The following ITGA9 variants were observed in gnomAD, a reference collection of about 807,000 sequenced individuals.
ITGA9 encodes integrin alpha-9.
A neutral mutation model predicts 127.8 loss-of-function variants in ITGA9; 56 were observed. The ratio of observed to expected loss-of-function variants is 0.44; its 90% CI spans 0.35 to 0.55. The LOEUF is 0.55. ITGA9 is among the 20% of genes least tolerant of loss of function. The pLI is 0.00. For missense variants in ITGA9, 1,196 were observed against 1,347.1 expected, an observed-to-expected ratio of 0.89 and a Z score of 1.76; for synonymous variants, 508 against 514.5, an observed-to-expected ratio of 0.99 and a Z score of 0.17.
At chr3:37,671,604 G>A (rs1206715286) in intron 17 of ITGA9, among the ~76,000 whole-genome samples, 1 of 152,158 alleles carries the variant, frequency 6.6e-6, no homozygotes, top group Non-Finnish European at 1.5e-5. Context: ...AACTGGCCCA[G>A]GTGGGTACCT....
chr3:37,725,111 A>C (rs997096307), intron 18 of ITGA9, among the ~76,000 whole-genome samples: 2 of 152,202 alleles, frequency 1.3e-5, no homozygotes, highest in African/African-American at 4.8e-5. Context: ...TTGACTAGCA[A>C]ATCAACAAAA....
chr3:37,544,422 T>C (rs1247413757), intron 15 of ITGA9, among the ~76,000 whole-genome samples: 1 of 152,234 alleles, frequency 6.6e-6, no homozygotes, highest in African/African-American at 2.4e-5. Context: ...AGTATGAGTG[T>C]GTCCCAAATA....
At chr3:37,549,009 G>A (rs1379868335) in intron 15 of ITGA9, among the ~76,000 whole-genome samples, 1 of 152,236 alleles carries the variant, frequency 6.6e-6, no homozygotes, top group East Asian at 1.9e-4. Context: ...TGAAGCCGCT[G>A]CTCATGCGAT....
chr3:37,764,420 T>C (rs1696755272), intron 23 of ITGA9, among the ~76,000 whole-genome samples: 1 of 124,696 alleles, frequency 8.0e-6, no homozygotes, highest in East Asian at 2.5e-4. Context: ...CTTCTAGTCC[T>C]AATAATTTAT....
chr3:37,615,090 T>G (rs1286319642), intron 15 of ITGA9, among the ~76,000 whole-genome samples: 1 of 152,218 alleles, frequency 6.6e-6, no homozygotes, highest in East Asian at 1.9e-4. Flanking sequence ...CAGTATGATA[T>G]TGGCTGTGCG....
At chr3:37,471,996 G>T (rs1698436432) in intron 2 of ITGA9, among the ~76,000 whole-genome samples, 1 of 152,224 alleles carries the variant, frequency 6.6e-6, no homozygotes, top group Admixed American at 6.5e-5. Context: ...CAAGGGTGCA[G>T]TGAGCTGAGA....
chr3:37,498,668 G>C (rs1255394211), intron 5 of ITGA9, among the ~76,000 whole-genome samples: 4 of 152,212 alleles, frequency 2.6e-5, no homozygotes. Flanking sequence ...GGTGTACAGA[G>C]TGTCCGGGGA....
chr3:37,617,582 C>T lies in ITGA9; in HGVS notation c.1690-11605C>T, dbSNP rs554990258. On this transcript the variant is annotated intron_variant, in intron 15 of 27. Transcript: ENST00000264741. ...TTTTCCAACTTGGTTCCATTTTCCC[C>T]GTCACTTTCAGGTACACCAATCAGA... is the stretch of plus-strand genomic sequence containing the variant. Among the ~76,000 whole-genome samples, 79 of 152,312 alleles carry T rather than the reference C, an allele frequency of 5.2e-4. 1 individual carries two copies. Among genetic ancestry groups the T allele is most frequent in the South Asian group, 5.2e-3 (25 of 4,822 alleles).
At chr3:37,518,281 G>C (rs1046999883) in intron 10 of ITGA9, among the ~76,000 whole-genome samples, 2 of 152,184 alleles carry the variant, frequency 1.3e-5, no homozygotes, top group African/African-American at 4.8e-5. Flanking sequence ...CATGTCACCA[G>C]GGCATGTGGT....
intron 7 of ITGA9, among the ~76,000 whole-genome samples, chr3:37,506,845 C>G (rs1698848687): frequency 1.3e-5 from 2 of 152,182 alleles, no homozygotes. Context: ...AACTTTGGAT[C>G]TGGACCTTTA....
At chr3:37,677,003 T>C (rs535553260) in intron 17 of ITGA9, among the ~76,000 whole-genome samples, 1 of 152,346 alleles carries the variant, frequency 6.6e-6, no homozygotes, top group South Asian at 2.1e-4. Flanking sequence ...AATTGCTACC[T>C]GTCTCTGGAA....
Position 37,796,721 on chromosome 3 carries a change from T to A in ITGA9, c.2890-7102T>A, listed in dbSNP as rs568889409. On this transcript the variant is annotated intron_variant, in intron 26 of 27. Transcript: ENST00000264741. ...CACATCTCTTTTGTTGCAAACTGAG[T>A]CGTGTTCATACTTCATCTGATTTTA... Among the ~76,000 whole-genome samples the A allele has an allele frequency of 2.0e-4, 30 of 152,248 alleles. 2 individuals carry two copies. The East Asian group carries it at 4.1e-3, about 21-fold the overall frequency.
chr3:37,636,800 A>C (rs1157334771), intron 16 of ITGA9, among the ~76,000 whole-genome samples: 1 of 151,840 alleles, frequency 6.6e-6, no homozygotes, highest in Non-Finnish European at 1.5e-5. Context: ...ATCTTGAATT[A>C]ATTTTTGTAT....
intron 15 of ITGA9, among the ~76,000 whole-genome samples, chr3:37,547,288 AT>A (rs1203641796): frequency 6.6e-6 from 1 of 152,148 alleles, no homozygotes; most frequent in Non-Finnish European, 1.5e-5. Context: ...TTCCTGAAGG[AT>A]TTTTCAAGGA....
intron 23 of ITGA9, among the ~76,000 whole-genome samples, chr3:37,752,603 C>A (rs1696600803): frequency 6.6e-6 from 1 of 152,338 alleles, no homozygotes; most frequent in Admixed American, 6.5e-5. Context: ...TGATCATCAT[C>A]CATAGAGCAT....
chr3:37,571,547 A>G (rs1476247533), intron 15 of ITGA9, among the ~76,000 whole-genome samples: 1 of 152,204 alleles, frequency 6.6e-6, no homozygotes, highest in East Asian at 1.9e-4. Flanking sequence ...TGCAGGGATC[A>G]GAATCACCTG....
chr3:37,720,001 G>A (rs1701174495), intron 18 of ITGA9, among the ~76,000 whole-genome samples: 1 of 152,210 alleles, frequency 6.6e-6, no homozygotes, highest in Non-Finnish European at 1.5e-5. Flanking sequence ...TGAATATCAT[G>A]TTTCCTCCAG....
intron 23 of ITGA9, among the ~76,000 whole-genome samples, chr3:37,764,536 G>A (rs1056672064): frequency 1.4e-5 from 2 of 147,896 alleles, no homozygotes; most frequent in African/African-American, 2.5e-5. Context: ...AAAACCCGGC[G>A]TTCCCTCCCA....
chr3:37,702,048 T>C (rs1372216792), intron 18 of ITGA9, among the ~76,000 whole-genome samples: 1 of 151,562 alleles, frequency 6.6e-6, no homozygotes, highest in Non-Finnish European at 1.5e-5. Context: ...GGGGAAAAGG[T>C]GAGTTATTTA....
Sources: allele counts gnomAD v4.1 joint callset (sites outside exome capture counted in the v4.1 genomes callset), GRCh38; gene constraint gnomAD v4.1.1; transcripts MANE v1.5; gene names NCBI Gene and HGNC (gene_info 2026-07-23, HGNC 2026-07-21).